Variants in IRAG2 observed in about 807,000 individuals in gnomAD.
IRAG2 encodes the protein lymphoid restricted membrane protein.
A neutral mutation model predicts 69.9 loss-of-function variants in IRAG2; 45 were observed. The observed-to-expected ratio is 0.64, with a 90% CI of 0.51 to 0.83. The LOEUF is 0.83. Among genes scored for constraint, IRAG2 ranks in the 40% least tolerant of loss-of-function variants. The pLI is 0.00. For missense variants in IRAG2, 520 were observed against 587.0 expected (o/e 0.89, Z 1.18); for synonymous variants, 193 against 202.4 (o/e 0.95, Z 0.40).
At chr12:25,045,848 TAAAAAAA>T (rs71063392) in intron 16 of IRAG2, among the ~76,000 whole-genome samples, 1 of 131,564 alleles carries the variant, frequency 7.6e-6, no homozygotes, top group Non-Finnish European at 1.6e-5. Flanking sequence ...AAATAAAAGA[TAAAAAAA>T]AAAAAAAAAA....
chr12:25,048,544 G>C (rs1188784172), upstream of IRAG2, among the ~76,000 whole-genome samples: 1 of 152,046 alleles, frequency 6.6e-6, no homozygotes, highest in Non-Finnish European at 1.5e-5. Flanking sequence ...CAATCCACCC[G>C]CCTCAGCCTC....
rs912623098 is a variant in IRAG2 at position 25,103,970 on chromosome 12, A to ATT, written c.997-36_997-35dup. ...CATATGACAGAAAATATAAACGTATATTTTATCATTTCTTTTAACATTTGA... is the reference window on the plus strand; with the variant it reads ...CATATGACAGAAAATATAAACGTATATTTTTTATCATTTCTTTTAACATTTGA... On this transcript the variant is annotated intron_variant, in intron 18 of 21. Transcript: ENST00000556887. The ATT allele has an allele frequency of 3.1e-6, 5 of 1,605,530 alleles. No homozygotes were observed. The African/African-American group carries it at 6.7e-5, about 21-fold the overall frequency.
chr12:25,037,753 C>T (rs1944713078), intron 15 of IRAG2, among the ~76,000 whole-genome samples: 1 of 152,146 alleles, frequency 6.6e-6, no homozygotes, highest in Non-Finnish European at 1.5e-5. Context: ...GCACTTTATA[C>T]ATACTTGTTA....
At chr12:25,061,175 A>T (rs1319589055) in intron 1 of IRAG2, among the ~76,000 whole-genome samples, 1 of 152,288 alleles carries the variant, frequency 6.6e-6, no homozygotes, top group East Asian at 1.9e-4. Context: ...TGAGGCCCCA[A>T]ATTTAAAGCC....
At chr12:25,047,488 A>G (rs1944804408), upstream of IRAG2, among the ~76,000 whole-genome samples, 1 of 152,170 alleles carries the variant, frequency 6.6e-6, no homozygotes, top group Admixed American at 6.5e-5. Context: ...TCCAGGGTAC[A>G]TGTGCAGGAT....
intron 20 of IRAG2, 26 bp from the exon 21 acceptor site, chr12:25,106,917 A>G (rs1456889749): frequency 1.2e-5 from 14 of 1,177,268 alleles, no homozygotes; most frequent in Non-Finnish European, 1.6e-5. Context: ...TTAGTTTCAA[A>G]TATTAAAAAC....
In IRAG2 at chr12:25,032,370, G is replaced by A. The variant is rs977415423; in HGVS notation, c.1643+1G>A. ...AGCACTTGCAACAGGCACTCATCAC[G>A]TAAGTAGAGGGCAACCCTTGCCAGC... On this transcript the variant is annotated splice_donor_variant, in intron 12 of 38. Transcript: ENST00000636465. LOFTEE classifies it high-confidence loss of function. The A allele has an allele frequency of 1.5e-5, 6 of 398,932 alleles. No individual in the cohort carries two copies. Among genetic ancestry groups the A allele is most frequent in the African/African-American group, 8.2e-5 (4 of 48,636 alleles). The allele number at this position is 398,932 out of a possible 1,614,324, so 24.7% of individuals were successfully genotyped here.
At chr12:25,019,666 A>G (rs1421419433) in intron 6 of IRAG2, among the ~76,000 whole-genome samples, 1 of 152,164 alleles carries the variant, frequency 6.6e-6, no homozygotes, top group Non-Finnish European at 1.5e-5. Context: ...GTCAAAAGGC[A>G]GCATTCAGGT....
intron 1 of IRAG2, among the ~76,000 whole-genome samples, chr12:25,056,670 C>G (rs1295049391): frequency 6.6e-6 from 1 of 152,110 alleles, no homozygotes; most frequent in Non-Finnish European, 1.5e-5. Flanking sequence ...CATGAATCAT[C>G]TCATTTGTGA....
rs137969810 is a variant in IRAG2, at chr12:25,022,257, G to C, written c.1332+1350G>C. Among the ~76,000 whole-genome samples, 955 of 152,288 alleles carry C rather than the reference G, an allele frequency of 6.3e-3. 16 individuals carry two copies. Among genetic ancestry groups the C allele is most frequent in the African/African-American group, 0.022 (925 of 41,546 alleles). ...AGAATTTTGGCCTGCACTTTGGGAG[G>C]CTGAGGCGGGTGGGTCACTTGAGGT... On this transcript the variant is annotated intron_variant, in intron 7 of 38. Coordinates refer to the IRAG2 transcript ENST00000636465.
intron 6 of IRAG2, chr12:25,075,759 A>G (rs1419845924): frequency 4.6e-5 from 7 of 152,296 alleles, no homozygotes; most frequent in Middle Eastern, 3.4e-3. Flanking sequence ...GCTCTGTGCT[A>G]TCGGCATGTG....
chr12:25,078,818 T>C (rs1040068489), intron 6 of IRAG2, among the ~76,000 whole-genome samples: 4 of 152,238 alleles, frequency 2.6e-5, no homozygotes, highest in African/African-American at 9.6e-5. Context: ...TTTTTCTAGC[T>C]AGAAAACTAA....
chr12:25,097,558 T>C (rs1178901641), intron 15 of IRAG2: 3 of 152,238 alleles, frequency 2.0e-5, no homozygotes, highest in African/African-American at 4.8e-5. Flanking sequence ...CTTAGAGAAG[T>C]AGAATTCCAA....
At chr12:25,006,545 A>AAAAC (rs1443654357) in intron 2 of IRAG2, 4 of 152,246 alleles carry the variant, frequency 2.6e-5, no homozygotes, top group African/African-American at 9.6e-5. Flanking sequence ...TGCAGCCAAA[A>AAAAC]AAACAAACAA....
At chr12:25,080,668 A>G (rs922417739) in intron 9 of IRAG2, among the ~76,000 whole-genome samples, 4 of 152,132 alleles carry the variant, frequency 2.6e-5, no homozygotes, top group African/African-American at 9.7e-5. Context: ...AATACATTCT[A>G]TCGTTTTAAC....
At chr12:24,999,439 T>A (rs1445559247), upstream of IRAG2, among the ~76,000 whole-genome samples, 1 of 152,122 alleles carries the variant, frequency 6.6e-6, no homozygotes, top group Non-Finnish European at 1.5e-5. Context: ...ATTGAGGCAA[T>A]AATAATAATG....
At chr12:25,079,852 A>G (rs893450404) in intron 9 of IRAG2, 89 bp downstream of exon 9, 9 of 701,400 alleles carry the variant, frequency 1.3e-5, no homozygotes, top group Non-Finnish European at 1.9e-5. Context: ...ACACTAGCTC[A>G]ATAATGTTAT....
intron 1 of IRAG2, among the ~76,000 whole-genome samples, chr12:25,056,497 G>T (rs1308474014): frequency 6.6e-6 from 1 of 152,192 alleles, no homozygotes; most frequent in Non-Finnish European, 1.5e-5. Flanking sequence ...CAGAAGAGTG[G>T]CTGGGTAAAG....
chr12:25,016,195 C>CAAA (rs35079588), intron 5 of IRAG2, among the ~76,000 whole-genome samples: 2 of 142,268 alleles, frequency 1.4e-5, no homozygotes, highest in Admixed American at 7.0e-5. Context: ...GACTCCATCT[C>CAAA]AAAAAAAAAA....
Sources: allele counts gnomAD v4.1 joint callset (sites outside exome capture counted in the v4.1 genomes callset), GRCh38; gene constraint gnomAD v4.1.1; transcripts MANE v1.5; gene names NCBI Gene and HGNC (gene_info 2026-07-23, HGNC 2026-07-21).